Variants in UBE2E1 observed in about 807,000 individuals in gnomAD.
UBE2E1 encodes the protein ubiquitin-conjugating enzyme E2 E1.
UBE2E1 carries 6 observed loss-of-function variants against 21.4 expected under a neutral mutation model. The ratio of observed to expected loss-of-function variants is 0.28; its 90% CI spans 0.15 to 0.55. The LOEUF is 0.55. Ranked by LOEUF, UBE2E1 falls within the 20% of genes least tolerant of loss-of-function variation. The pLI is 0.93. For missense variants in UBE2E1, 142 were observed against 236.5 expected, an observed-to-expected ratio of 0.60 and a Z score of 2.62; for synonymous variants, 87 against 82.7, an observed-to-expected ratio of 1.05 and a Z score of -0.28.
At chr3:23,850,837 C>CTTTTTTTTTTTTTT (rs71057628) in intron 3 of UBE2E1, among the ~76,000 whole-genome samples, 1 of 128,414 alleles carries the variant, frequency 7.8e-6, no homozygotes, top group African/African-American at 2.9e-5. Context: ...CCACACCCAG[C>CTTTTTTTTTTTTTT]TTTTTTTTTT....
chr3:23,862,583 G>A (rs1360681686), intron 3 of UBE2E1, among the ~76,000 whole-genome samples: 1 of 152,188 alleles, frequency 6.6e-6, no homozygotes, highest in Non-Finnish European at 1.5e-5. Flanking sequence ...AATATGTTAT[G>A]CTTGATTTCT....
At chr3:23,829,803 G>C (rs1309006748) in intron 3 of UBE2E1, among the ~76,000 whole-genome samples, 1 of 152,212 alleles carries the variant, frequency 6.6e-6, no homozygotes, top group African/African-American at 2.4e-5. Flanking sequence ...AGAGATGTCT[G>C]AAAGAGAAGC....
rs1054913746 is a variant in UBE2E1 at position 23,816,342 on chromosome 3, A to G, written c.203+4832A>G. Among the ~76,000 whole-genome samples the G allele has an allele frequency of 2.0e-5, 3 of 152,272 alleles. No homozygotes were observed. The highest frequency in any genetic ancestry group is 6.5e-5 in the Admixed American group (1 of 15,300). On this transcript the variant is annotated intron_variant, in intron 3 of 5. Transcript: ENST00000306627. This position sits in a 1 kb window ranked among gnomAD's most constrained non-coding sequence, Gnocchi z 4.8. ...GATAAACAAAATTTGGTTAATCTAT[A>G]AACTGGAATATTCATCTATAAAAAG...
intron 3 of UBE2E1, among the ~76,000 whole-genome samples, chr3:23,824,990 T>C (rs1164526558): frequency 6.6e-6 from 1 of 152,228 alleles, no homozygotes; most frequent in East Asian, 1.9e-4. Context: ...TTTGAAAGTA[T>C]GACTAGTTCC....
intron 3 of UBE2E1, among the ~76,000 whole-genome samples, chr3:23,841,544 T>C (rs1285208569): frequency 6.6e-6 from 1 of 152,236 alleles, no homozygotes; most frequent in African/African-American, 2.4e-5. Context: ...TTGTTAGAGA[T>C]TGCATTTCTA....
chr3:23,886,269 GAATT>G (rs1701181702), intron 3 of UBE2E1, among the ~76,000 whole-genome samples: 2 of 152,268 alleles, frequency 1.3e-5, no homozygotes, highest in East Asian at 3.9e-4. Flanking sequence ...AGATATTAAA[GAATT>G]AATAATAATG....
In UBE2E1 at chr3:23,879,750, A is replaced by G. The variant is rs138020766; in HGVS notation, c.204-7817A>G. On this transcript the variant is annotated intron_variant, in intron 3 of 5. Coordinates refer to ENST00000306627, the MANE Select transcript of UBE2E1 (RefSeq NM_003341.5). ...AACAGTGCTCGCCCAGCAGTCCGCA[A>G]GTCTGTTTCTAGCATGCTTATCTTC... 3.5e-4 allele frequency among the ~76,000 whole-genome samples: 53 copies of G among 152,298 alleles called. No individual in the cohort carries two copies. In the East Asian group the frequency reaches 9.8e-3, roughly 28 times the overall value.
At position 23,816,142 on chromosome 3, in the gene UBE2E1, T is replaced by C. The variant is rs920082358; in HGVS notation, c.203+4632T>C. Among the ~76,000 whole-genome samples, 4 of 152,218 alleles carry C rather than the reference T, an allele frequency of 2.6e-5. No individual in the cohort carries two copies. Among genetic ancestry groups the C allele is most frequent in the African/African-American group, 7.2e-5 (3 of 41,456 alleles). Reference sequence around the variant, plus strand: ...GGATTGTAAAACTGTACTATTGTTATTCCTCAGAAAGCTAAACAGAATTAC... The same window carrying C: ...GGATTGTAAAACTGTACTATTGTTACTCCTCAGAAAGCTAAACAGAATTAC... On this transcript the variant is annotated intron_variant, in intron 3 of 5. Coordinates refer to ENST00000306627, the MANE Select transcript of UBE2E1 (RefSeq NM_003341.5). This position sits in a 1 kb window ranked among gnomAD's most constrained non-coding sequence, Gnocchi z 4.8.
At chr3:23,874,234 CCTTT>C in intron 3 of UBE2E1, among the ~76,000 whole-genome samples, 1 of 152,182 alleles carries the variant, frequency 6.6e-6, no homozygotes, top group Admixed American at 6.5e-5. Flanking sequence ...CTGATAAGCT[CCTTT>C]AAGAGAATCT....
chr3:23,875,156 C>G (rs1044147376), intron 3 of UBE2E1, among the ~76,000 whole-genome samples: 1 of 152,134 alleles, frequency 6.6e-6, no homozygotes, highest in African/African-American at 2.4e-5. Flanking sequence ...TCCAGATGTG[C>G]TGGACTGTCC....
At chr3:23,886,067 G>A (rs1701176242) in intron 3 of UBE2E1, among the ~76,000 whole-genome samples, 1 of 152,024 alleles carries the variant, frequency 6.6e-6, no homozygotes, top group Non-Finnish European at 1.5e-5. Flanking sequence ...CAGGTATGGT[G>A]GTGCATGCCT....
chr3:23,812,473 ATTTTG>A (rs1699416706), intron 3 of UBE2E1, among the ~76,000 whole-genome samples: 3 of 152,216 alleles, frequency 2.0e-5, no homozygotes, highest in African/African-American at 7.2e-5. Context: ...TAAATGAAGT[ATTTTG>A]TTTAGTAACA....
intron 3 of UBE2E1, among the ~76,000 whole-genome samples, chr3:23,831,091 A>G (rs1319511163): frequency 6.6e-6 from 1 of 152,224 alleles, no homozygotes; most frequent in African/African-American, 2.4e-5. Flanking sequence ...CACTTTTGTT[A>G]TTAGCTAAGA....
intron 3 of UBE2E1, among the ~76,000 whole-genome samples, chr3:23,848,845 A>G (rs985161796): frequency 2.0e-5 from 3 of 152,212 alleles, no homozygotes; most frequent in Admixed American, 2.0e-4. Context: ...TGGTAAGCCA[A>G]GGGGGCCTAA....
At chr3:23,807,091 T>C in intron 1 of UBE2E1, 146 bp from the exon 2 acceptor site, 1 of 597,700 alleles carries the variant, frequency 1.7e-6, no homozygotes, top group Non-Finnish European at 2.8e-6. Context: ...AAAGCCTTAA[T>C]GGGCCTGCAG....
intron 3 of UBE2E1, among the ~76,000 whole-genome samples, chr3:23,874,446 A>G (rs1164722764): frequency 6.6e-6 from 1 of 152,188 alleles, no homozygotes; most frequent in African/African-American, 2.4e-5. Flanking sequence ...TGCCCTGTGA[A>G]CTGAAGAACC....
chr3:23,866,157 CG>C (rs1700651623), intron 3 of UBE2E1: 1 of 152,722 alleles, frequency 6.5e-6, no homozygotes, highest in Non-Finnish European at 1.5e-5. Context: ...CCAGGCCAGC[CG>C]GGGCCAAGAA....
chr3:23,883,204 A>C (rs1701096081), intron 3 of UBE2E1, among the ~76,000 whole-genome samples: 1 of 152,154 alleles, frequency 6.6e-6, no homozygotes, highest in Non-Finnish European at 1.5e-5. Flanking sequence ...GTACACTTCA[A>C]CCAGTATTTA....
rs575902550 is a variant in UBE2E1, at chr3:23,871,852, G to T, written c.204-15715G>T. Among the ~76,000 whole-genome samples, 3 of 151,782 alleles carry T rather than the reference G, an allele frequency of 2.0e-5. No individual in the cohort carries two copies. In the East Asian group the frequency reaches 5.9e-4, roughly 30 times the overall value. ...GAGGCGCTCCTCACTTCCTAGATGGGATGGCGGCGGGGCAGAGACGCTCCT... is the reference window on the plus strand; with the variant it reads ...GAGGCGCTCCTCACTTCCTAGATGGTATGGCGGCGGGGCAGAGACGCTCCT... On this transcript the variant is annotated intron_variant, in intron 3 of 5. Coordinates refer to ENST00000306627, the MANE Select transcript of UBE2E1 (RefSeq NM_003341.5).
Sources: allele counts gnomAD v4.1 joint callset (sites outside exome capture counted in the v4.1 genomes callset), GRCh38; gene constraint gnomAD v4.1.1; non-coding constraint Gnocchi (gnomAD v3.1); transcripts MANE v1.5; gene names NCBI Gene and HGNC (gene_info 2026-07-23, HGNC 2026-07-21).